Variants in ANKS1B observed in about 807,000 individuals in gnomAD.
ANKS1B encodes ankyrin repeat and sterile alpha motif domain-containing protein 1B.
Under a neutral mutation model 148.3 loss-of-function variants are expected in ANKS1B, and 36 were observed. That is an observed-to-expected ratio of 0.24 (90% CI 0.19 to 0.32). The LOEUF (loss-of-function observed/expected upper bound fraction) is 0.32. ANKS1B is among the 10% of genes least tolerant of loss of function. The probability of loss-of-function intolerance (pLI) is 1.00; values close to 1 mark genes in which losing one functional copy is unlikely to be tolerated. For synonymous variants in ANKS1B, 542 were observed against 560.8 expected, an observed-to-expected ratio of 0.97 and a Z score of 0.47; for missense variants, 1,157 against 1,542.6, an observed-to-expected ratio of 0.75 and a Z score of 4.19.
intron 9 of ANKS1B, among the ~76,000 whole-genome samples, chr12:99,551,556 AGGGGAGGGGAGGG>A (rs2097219122): frequency 9.2e-5 from 4 of 43,344 alleles, no homozygotes; most frequent in Non-Finnish European, 1.5e-4. Context: ...AGGGGAGGGG[AGGGGAGGGGAGGG>A]GAGAGGAAGA....
intron 9 of ANKS1B, among the ~76,000 whole-genome samples, chr12:99,572,350 A>G (rs1326348784): frequency 2.0e-5 from 3 of 152,220 alleles, no homozygotes; most frequent in Non-Finnish European, 4.4e-5. Flanking sequence ...GTTTCCAAAT[A>G]TGTTTTTCTC....
rs192876390 is a variant in ANKS1B at position 99,481,868 on chromosome 12, T to G, written c.1438+22608A>C. 1.6e-4 allele frequency among the ~76,000 whole-genome samples: 25 copies of G among 152,044 alleles called. No homozygotes were observed. The East Asian group carries it at 4.8e-3, about 29-fold the overall frequency. On this transcript the variant is annotated intron_variant, in intron 10 of 26. Transcript: ENST00000683438. ...ATTCCTTGTCAAGTTTTTGAAGGAA[T>G]TATTTGCGGGTTTTTTGTTTTTTGT...
At chr12:99,496,834 T>C (rs1383632900) in intron 10 of ANKS1B, among the ~76,000 whole-genome samples, 3 of 152,180 alleles carry the variant, frequency 2.0e-5, no homozygotes, top group Non-Finnish European at 4.4e-5. Flanking sequence ...AGCAAATGCA[T>C]ACTTATACCA....
intron 16 of ANKS1B, among the ~76,000 whole-genome samples, chr12:99,081,200 T>C (rs982541343): frequency 1.3e-5 from 2 of 152,162 alleles, no homozygotes; most frequent in Non-Finnish European, 2.9e-5. Context: ...ACACAACATA[T>C]ACAAATAAAA....
chr12:99,131,633 C>G (rs2066117037), intron 15 of ANKS1B, among the ~76,000 whole-genome samples: 1 of 152,220 alleles, frequency 6.6e-6, no homozygotes, highest in South Asian at 2.1e-4. Context: ...CTGTCTCCTC[C>G]TATCTCCTCA....
intron 1 of ANKS1B, among the ~76,000 whole-genome samples, chr12:99,930,034 G>T (rs2094573113): frequency 6.6e-6 from 1 of 152,096 alleles, no homozygotes; most frequent in South Asian, 2.1e-4. Context: ...ATTCTGTGAA[G>T]AAAGTCATTG....
At chr12:98,786,047 T>C (rs1297789626) in intron 22 of ANKS1B, among the ~76,000 whole-genome samples, 1 of 152,198 alleles carries the variant, frequency 6.6e-6, no homozygotes, top group African/African-American at 2.4e-5. Flanking sequence ...TAATTTGTAA[T>C]GGAGACCTCT....
At chr12:99,597,573 C>T (rs1414873982) in intron 9 of ANKS1B, among the ~76,000 whole-genome samples, 1 of 151,916 alleles carries the variant, frequency 6.6e-6, no homozygotes, top group East Asian at 1.9e-4. Flanking sequence ...TAAGTGTCCT[C>T]AGGGAAAAGA....
rs78590938 is a variant in ANKS1B at position 99,787,752 on chromosome 12, C to T, written c.670-5655G>A. Among the ~76,000 whole-genome samples, 1,477 of 152,306 alleles carry T rather than the reference C, an allele frequency of 9.7e-3. 15 individuals carry two copies. The highest frequency in any genetic ancestry group is 0.033 in the African/African-American group (1,379 of 41,560). ...GGAAGAGAAAGTCTTGAATCACGGG[C>T]GCTGCCCCTCTCCCATTCCATGGCA... On this transcript the variant is annotated intron_variant, in intron 4 of 26. Coordinates refer to ENST00000683438, the MANE Select transcript of ANKS1B (RefSeq NM_001352186.2).
chr12:99,509,845 T>C (rs2096746527), intron 9 of ANKS1B, among the ~76,000 whole-genome samples: 2 of 152,010 alleles, frequency 1.3e-5, no homozygotes, highest in South Asian at 4.1e-4. Flanking sequence ...ATGCTTGGCT[T>C]CAAACTTTAA....
chr12:99,625,824 T>C (rs1443676012), intron 9 of ANKS1B, among the ~76,000 whole-genome samples: 1 of 152,048 alleles, frequency 6.6e-6, no homozygotes, highest in East Asian at 1.9e-4. Context: ...AGAAAAGAAA[T>C]GGAAATTGAG....
At chr12:99,497,675 C>T (rs532918604) in intron 10 of ANKS1B, among the ~76,000 whole-genome samples, 2 of 151,822 alleles carry the variant, frequency 1.3e-5, no homozygotes, top group African/African-American at 4.8e-5. Context: ...ATTATCTTTA[C>T]AATGATTCTA....
chr12:98,921,598 C>T (rs972215600), intron 17 of ANKS1B, among the ~76,000 whole-genome samples: 2 of 152,144 alleles, frequency 1.3e-5, no homozygotes, highest in African/African-American at 4.8e-5. Context: ...ACTTCCATGC[C>T]TGTCTTCCAT....
At chr12:99,189,088 C>A (rs1041454013) in intron 14 of ANKS1B, among the ~76,000 whole-genome samples, 1 of 152,280 alleles carries the variant, frequency 6.6e-6, no homozygotes, top group Middle Eastern at 3.4e-3. Context: ...ACTAGAAAAT[C>A]TAGAAGAAAT....
At chr12:99,168,957 C>A (rs985848494) in intron 14 of ANKS1B, among the ~76,000 whole-genome samples, 1 of 152,128 alleles carries the variant, frequency 6.6e-6, no homozygotes, top group Non-Finnish European at 1.5e-5. Flanking sequence ...TTAATTTATT[C>A]TTTTAAAAGT....
chr12:99,816,427 T>A (rs567500739), intron 2 of ANKS1B, among the ~76,000 whole-genome samples: 1 of 151,958 alleles, frequency 6.6e-6, no homozygotes, highest in East Asian at 1.9e-4. Context: ...ACTCTGTGGG[T>A]TGTCTGTTTA....
chr12:98,919,584 C>T (rs1217408385), intron 17 of ANKS1B, among the ~76,000 whole-genome samples: 1 of 152,178 alleles, frequency 6.6e-6, no homozygotes, highest in Non-Finnish European at 1.5e-5. Context: ...CACACTGTAC[C>T]TCCTTAACCC....
Position 99,107,676 on chromosome 12 carries a change from G to A in ANKS1B, c.2527-22653C>T, listed in dbSNP as rs545243116. Among the ~76,000 whole-genome samples the A allele has an allele frequency of 3.3e-5, 5 of 152,302 alleles. No individual in the cohort carries two copies. In the East Asian group the frequency reaches 7.7e-4, roughly 24 times the overall value. On this transcript the variant is annotated intron_variant, in intron 15 of 26. Coordinates refer to ENST00000683438, the MANE Select transcript of ANKS1B (RefSeq NM_001352186.2). ...GCTATCCAGAAATCGCCCGGCCTGGGATGCAGATTCAGTCACTTAAGTGAG... is the reference window on the plus strand; with the variant it reads ...GCTATCCAGAAATCGCCCGGCCTGGAATGCAGATTCAGTCACTTAAGTGAG...
intron 4 of ANKS1B, among the ~76,000 whole-genome samples, chr12:99,797,380 A>G (rs1463155627): frequency 6.6e-6 from 1 of 151,946 alleles, no homozygotes; most frequent in Non-Finnish European, 1.5e-5. Context: ...CAGACCTTGA[A>G]AAATTCTATT....
Sources: allele counts gnomAD v4.1 joint callset (sites outside exome capture counted in the v4.1 genomes callset), GRCh38; gene constraint gnomAD v4.1.1; transcripts MANE v1.5; gene names NCBI Gene and HGNC (gene_info 2026-07-23, HGNC 2026-07-21).